The following EBF1 variants were observed in gnomAD, a reference collection of about 807,000 sequenced individuals.
EBF1 encodes transcription factor COE1.
A neutral mutation model predicts 68.4 loss-of-function variants in EBF1; 10 were observed. The observed-to-expected ratio is 0.15, with a 90% CI of 0.09 to 0.25. The LOEUF (loss-of-function observed/expected upper bound fraction) is 0.25, where lower values mean the gene tolerates loss of function less well. EBF1 is among the 10% of genes least tolerant of loss of function. The pLI is 1.00. For missense variants in EBF1, 509 were observed against 794.4 expected, an observed-to-expected ratio of 0.64 and a Z score of 4.32; for synonymous variants, 298 against 299.8, an observed-to-expected ratio of 0.99 and a Z score of 0.06.
chr5:158,920,479 C>T (rs968176952), intron 6 of EBF1, among the ~76,000 whole-genome samples: 3 of 152,202 alleles, frequency 2.0e-5, no homozygotes, highest in African/African-American at 7.2e-5. Context: ...CTGCTTTGTA[C>T]CTACTGGACA....
chr5:158,815,240 CTG>C, intron 8 of EBF1, among the ~76,000 whole-genome samples: 1 of 152,246 alleles, frequency 6.6e-6, no homozygotes, highest in South Asian at 2.1e-4. Flanking sequence ...TTATAGCACT[CTG>C]TGCCTGTCAT....
In EBF1 at chr5:159,034,339, G is replaced by A. The variant is rs148520227; in HGVS notation, c.554+39057C>T. ...AGATAGTGGATTTATTTAACCTCTT[G>A]GGGTCAGGTAATAAATACTAAGTGA... On this transcript the variant is annotated intron_variant, in intron 6 of 15. Coordinates refer to ENST00000313708, the MANE Select transcript of EBF1 (RefSeq NM_024007.5). Among the ~76,000 whole-genome samples, 307 of 152,242 alleles carry A rather than the reference G, an allele frequency of 2.0e-3. 2 individuals carry two copies. The highest frequency in any genetic ancestry group is 7.1e-3 in the African/African-American group (296 of 41,524).
intron 6 of EBF1, among the ~76,000 whole-genome samples, chr5:158,895,663 A>G (rs1445729433): frequency 6.6e-6 from 1 of 152,204 alleles, no homozygotes; most frequent in African/African-American, 2.4e-5. Flanking sequence ...TGAGAGGAGA[A>G]TGGTAAGCAA....
intron 6 of EBF1, among the ~76,000 whole-genome samples, chr5:159,027,347 A>G (rs944685393): frequency 6.6e-6 from 1 of 152,050 alleles, no homozygotes; most frequent in African/African-American, 2.4e-5. Flanking sequence ...TTACTCCTCC[A>G]AGTTACTAAT....
intron 6 of EBF1, among the ~76,000 whole-genome samples, chr5:158,878,703 G>GA (rs1239726973): frequency 6.6e-6 from 1 of 151,446 alleles, no homozygotes; most frequent in Non-Finnish European, 1.5e-5. Flanking sequence ...GAGTGCAGTG[G>GA]AATGATCTCA....
intron 6 of EBF1, among the ~76,000 whole-genome samples, chr5:159,008,691 A>G (rs1764051743): frequency 6.6e-6 from 1 of 151,768 alleles, no homozygotes; most frequent in South Asian, 2.1e-4. Flanking sequence ...ACGCCCGGCT[A>G]ATTTTTTTGT....
chr5:158,966,953 G>A (rs1180685705), intron 6 of EBF1, among the ~76,000 whole-genome samples: 1 of 152,200 alleles, frequency 6.6e-6, no homozygotes, highest in African/African-American at 2.4e-5. Context: ...CAGATGTCAA[G>A]TATATGATAA....
intron 6 of EBF1, among the ~76,000 whole-genome samples, chr5:159,027,149 AT>A (rs979779764): frequency 7.9e-5 from 12 of 152,032 alleles, no homozygotes; most frequent in African/African-American, 2.4e-4. Flanking sequence ...ATGTAGCCTG[AT>A]TTTTTTCATG....
chr5:158,977,416 C>T (rs868604076), intron 6 of EBF1, among the ~76,000 whole-genome samples: 3 of 152,134 alleles, frequency 2.0e-5, no homozygotes, highest in African/African-American at 4.8e-5. Context: ...ACACTTAATA[C>T]GGTTTCTTTC....
chr5:159,046,959 A>T (rs1772537982), intron 6 of EBF1, among the ~76,000 whole-genome samples: 1 of 152,224 alleles, frequency 6.6e-6, no homozygotes, highest in Non-Finnish European at 1.5e-5. Context: ...ACAACACTGG[A>T]CAGAATCCGT....
intron 6 of EBF1, among the ~76,000 whole-genome samples, chr5:158,923,132 A>G (rs1212320895): frequency 6.6e-6 from 1 of 152,204 alleles, no homozygotes; most frequent in Non-Finnish European, 1.5e-5. Context: ...TCATCAAAGC[A>G]AAGCTAGACT....
intron 6 of EBF1, among the ~76,000 whole-genome samples, chr5:159,046,079 A>T (rs1201001257): frequency 6.6e-6 from 1 of 152,160 alleles, no homozygotes; most frequent in Admixed American, 6.5e-5. Context: ...ACTGTTCCCT[A>T]CAGCTCTCCG....
intron 6 of EBF1, among the ~76,000 whole-genome samples, chr5:159,005,329 A>G (rs958239315): frequency 6.6e-6 from 1 of 152,192 alleles, no homozygotes. Flanking sequence ...AAATATTGTC[A>G]GTAAGGGAGA....
chr5:159,077,367 A>C (rs1272303179), intron 5 of EBF1, among the ~76,000 whole-genome samples: 1 of 152,182 alleles, frequency 6.6e-6, no homozygotes, highest in East Asian at 1.9e-4. Flanking sequence ...TGAACCCGGG[A>C]AACGGAGGTT....
intron 6 of EBF1, among the ~76,000 whole-genome samples, chr5:158,964,546 G>C (rs1753717909): frequency 6.6e-6 from 1 of 152,120 alleles, no homozygotes; most frequent in South Asian, 2.1e-4. Flanking sequence ...CTGGTTAGAA[G>C]GACCCACAGG....
chr5:158,701,806 G>A (rs981175153), intron 15 of EBF1, among the ~76,000 whole-genome samples: 1 of 152,120 alleles, frequency 6.6e-6, no homozygotes, highest in Non-Finnish European at 1.5e-5. Context: ...GGGTCTAGGG[G>A]GTGGGTTTGG....
intron 8 of EBF1, among the ~76,000 whole-genome samples, chr5:158,797,091 G>A (rs6864876): frequency 0.078 from 11,936 of 152,150 alleles, 522 homozygotes; most frequent in South Asian, 0.11. Context: ...TAACCAAATA[G>A]CTGAGTCAGG....
intron 6 of EBF1, among the ~76,000 whole-genome samples, chr5:158,965,346 G>A (rs1252913654): frequency 6.9e-6 from 1 of 144,020 alleles, no homozygotes; most frequent in Non-Finnish European, 1.5e-5. Flanking sequence ...TTAAAGAAAG[G>A]TTATTTGGGA....
intron 6 of EBF1, among the ~76,000 whole-genome samples, chr5:158,887,723 T>G (rs1800330378): frequency 6.6e-6 from 1 of 152,258 alleles, no homozygotes; most frequent in South Asian, 2.1e-4. Flanking sequence ...ACTCCTCTAT[T>G]TATTTTCACT....
Sources: gnomAD v4.1 joint callset for allele counts (sites outside exome capture counted in the v4.1 genomes callset) on GRCh38, gnomAD v4.1.1 for gene constraint, MANE v1.5 for transcripts, NCBI Gene and HGNC (gene_info 2026-07-23, HGNC 2026-07-21) for gene names.